ZNF207: variants seen among roughly 807,000 people sequenced by gnomAD.
ZNF207 encodes BUB3-interacting and GLEBS motif-containing protein ZNF207.
A neutral mutation model predicts 60.2 loss-of-function variants in ZNF207; 24 were observed. The ratio of observed to expected loss-of-function variants is 0.40; its 90% CI spans 0.29 to 0.56. ZNF207 has a LOEUF of 0.56. ZNF207 is among the 20% of genes least tolerant of loss of function. The pLI is 0.49. For synonymous variants in ZNF207, 236 were observed against 194.7 expected (o/e 1.21, Z -1.77); for missense variants, 452 against 636.6 (o/e 0.71, Z 3.12).
In ZNF207 at chr17:32,361,184, A is replaced by G. The variant is rs942963090; in HGVS notation, c.551+217A>G. The G allele has an allele frequency of 1.5e-5, 9 of 600,548 alleles. No individual in the cohort carries two copies. In the East Asian group the frequency reaches 1.7e-4, roughly 11 times the overall value. 37.2% of individuals were successfully genotyped at this position (600,548 alleles called of 1,614,324 possible). On this transcript the variant is annotated intron_variant, in intron 5 of 11. Transcript: ENST00000394670. ...TTGGGTTTTAGGGTATATGTAAGCA[A>G]CCATCTACTTCAATTGCATTTACTG...
intron 2 of ZNF207, among the ~76,000 whole-genome samples, chr17:32,357,342 A>ATTTTT (rs1364261997): frequency 4.2e-4 from 27 of 64,414 alleles, no homozygotes; most frequent in African/African-American, 2.0e-3. Context: ...TATTATTATT[A>ATTTTT]TTATTATTAT....
At chr17:32,363,164 T>A (rs548255819) in intron 7 of ZNF207, among the ~76,000 whole-genome samples, 180 bp downstream of exon 7, 1 of 152,352 alleles carries the variant, frequency 6.6e-6, no homozygotes, top group Non-Finnish European at 1.5e-5. Context: ...CTCGGCTCAC[T>A]GCAACCTCTG....
intron 9 of ZNF207, among the ~76,000 whole-genome samples, chr17:32,367,500 T>A (rs952910491): frequency 6.6e-6 from 1 of 151,682 alleles, no homozygotes; most frequent in Non-Finnish European, 1.5e-5. Flanking sequence ...GTAAATTTAA[T>A]TTTTGGTGAG....
At position 32,377,166 on chromosome 17, in the gene ZNF207, C is replaced by T. The variant is rs1036394849; in HGVS notation, c.*7407C>T. The T allele has an allele frequency of 2.0e-5, 3 of 151,918 alleles. No individual in the cohort carries two copies. The highest frequency in any genetic ancestry group is 4.4e-5 in the Non-Finnish European group (3 of 67,878). The allele number at this position is 151,918 out of a possible 1,614,324, so 9.4% of individuals were successfully genotyped here. On this transcript the variant is annotated 3_prime_UTR_variant, in exon 12 of 12. Coordinates refer to ENST00000394670, the MANE Select transcript of ZNF207 (RefSeq NM_001098507.2). ...TGGGTAGTATTGTTTGACTTAAGAA[C>T]CTTAAATATATTGAAAAGTAATGGC... is the stretch of plus-strand genomic sequence containing the variant.
In ZNF207 at chr17:32,372,931, C is replaced by T. The variant is rs550548539; in HGVS notation, c.*3172C>T. 3.3e-5 allele frequency: 5 copies of T among 152,398 alleles called. No individual in the cohort carries two copies. In the East Asian group the frequency reaches 9.6e-4, roughly 29 times the overall value. 9.4% of individuals were successfully genotyped at this position (152,398 alleles called of 1,614,324 possible). A position where few individuals can be genotyped will look rare whatever the true frequency, so the allele number is the denominator to read the frequency against. On this transcript the variant is annotated 3_prime_UTR_variant, in exon 12 of 12. Transcript: ENST00000394670. ...GCTGTAAGGTTAGTAGGGCTGGCAA[C>T]TTTGGCTCTACCTTACATCCACCCC... is the stretch of plus-strand genomic sequence containing the variant.
rs143103575 is a variant in ZNF207 at position 32,372,082 on chromosome 17, TGAG to T, written c.*2325_*2327del. ...TTGGGAGGCCCAGGCGGGTGGATCA[TGAG>T]GTCAGGAGATGGAGACCATCCTGGC... On this transcript the variant is annotated 3_prime_UTR_variant, in exon 12 of 12. Coordinates refer to ENST00000394670, the MANE Select transcript of ZNF207 (RefSeq NM_001098507.2). 0.022 allele frequency: 3,338 copies of T among 152,328 alleles called. 65 individuals are homozygous for T. Among genetic ancestry groups the T allele is most frequent in the Non-Finnish European group, 0.03 (2,041 of 68,098 alleles). 9.4% of individuals were successfully genotyped at this position (152,328 alleles called of 1,614,324 possible).
In ZNF207 at chr17:32,372,295, G is replaced by C. The variant is rs1049724081; in HGVS notation, c.*2536G>C. 1 of 151,096 alleles carries C rather than the reference G, an allele frequency of 6.6e-6. No homozygotes were observed. The highest frequency in any genetic ancestry group is 6.6e-5 in the Admixed American group (1 of 15,210). 9.4% of individuals were successfully genotyped at this position (151,096 alleles called of 1,614,324 possible). On this transcript the variant is annotated 3_prime_UTR_variant, in exon 12 of 12. Coordinates refer to ENST00000394670, the MANE Select transcript of ZNF207 (RefSeq NM_001098507.2). ...AGCCTGGACGACAGATTGAGACTCC[G>C]TCTCAAAAAAAAAAAATGCTGTGAT...
At position 32,373,737 on chromosome 17, in the gene ZNF207, T is replaced by C. The variant is rs942411102; in HGVS notation, c.*3978T>C. On this transcript the variant is annotated 3_prime_UTR_variant, in exon 12 of 12. Coordinates refer to ENST00000394670, the MANE Select transcript of ZNF207 (RefSeq NM_001098507.2). ...GTTCCTATATTGAACTTCAATAAAT[T>C]GACAAAATTTGATATTTTTGATTGG... 1.1e-5 allele frequency: 3 copies of C among 266,414 alleles called. No homozygotes were observed. The Admixed American group carries it at 1.6e-4, about 14-fold the overall frequency. The allele number at this position is 266,414 out of a possible 1,614,324, so 16.5% of individuals were successfully genotyped here.
intron 6 of ZNF207, chr17:32,362,675 A>T: frequency 2.5e-6 from 1 of 404,264 alleles, no homozygotes. Flanking sequence ...AATGACTTTA[A>T]ATGTTTTGTC....
chr17:32,367,663 A>T (rs1000716910), intron 9 of ZNF207, 109 bp from the exon 10 acceptor site: 1 of 1,384,552 alleles, frequency 7.2e-7, no homozygotes, highest in Non-Finnish European at 9.8e-7. Context: ...AATTTCATTT[A>T]AAGTTTGGTC....
chr17:32,360,644 T>C lies in ZNF207; in HGVS notation c.354T>C (p.Asp118=), dbSNP rs1904822868. ...AAGATGATTCTGATGAATATGATGA[T>C]GACGACTCTGCAGCCTCAACTTCAT... The part of the protein sequence containing the change: ...KQQDDSDEYD[D]DDSAASTSFQ... Residue 118 remains aspartate, a synonymous_variant, in exon 4 of 12, where the codon GAT becomes GAC. Coordinates refer to ENST00000394670, the MANE Select transcript of ZNF207 (RefSeq NM_001098507.2). 9.3e-6 allele frequency: 15 copies of C among 1,614,046 alleles called. No homozygotes were observed. The highest frequency in any genetic ancestry group is 1.2e-5 in the Non-Finnish European group (14 of 1,180,008).
At position 32,374,244 on chromosome 17, in the gene ZNF207, G is replaced by A. The variant is rs1905594435; in HGVS notation, c.*4485G>A. ...TTTTTTTTTTTTTTTTTTTGAGACT[G>A]TCTCGCTGTGTCACCCAGGCCAGAG... is the stretch of plus-strand genomic sequence containing the variant. On this transcript the variant is annotated 3_prime_UTR_variant, in exon 12 of 12. Transcript: ENST00000394670. 1.1e-5 allele frequency: 1 copy of A among 93,820 alleles called. No homozygotes were observed. The highest frequency in any genetic ancestry group is 1.6e-4 in the Admixed American group (1 of 6,344). The allele number at this position is 93,820 out of a possible 1,614,324, so 5.8% of individuals were successfully genotyped here.
Position 32,367,825 on chromosome 17 carries a change from T to C in ZNF207, c.975T>C (p.Ser325=), listed in dbSNP as rs1230496447. 6.2e-7 allele frequency: 1 copy of C among 1,614,188 alleles called. No individual in the cohort carries two copies. Among genetic ancestry groups the C allele is most frequent in the South Asian group, 1.1e-5 (1 of 91,082 alleles). The change falls in exon 10 of 12, where the codon AGT becomes AGC. Residue 325 remains serine (S), a synonymous_variant. Transcript: ENST00000394670. The stretch of plus-strand genomic sequence containing the variant: ...GTACAGATTTCAAACCCTTAAATAG[T>C]ACCCCTGCAACAACTACAGAACCCC... The part of the protein sequence containing the change: ...PVGTDFKPLN[S]TPATTTEPPK...
rs1310689416 is a variant in ZNF207, at chr17:32,370,551, A to T, written c.*792A>T. ...AGAGTTGTATGTTAATGTTTCAGTT[A>T]AGAGAAAAACTTAAGATACATGAGT... On this transcript the variant is annotated 3_prime_UTR_variant, in exon 12 of 12. Coordinates refer to ENST00000394670, the MANE Select transcript of ZNF207 (RefSeq NM_001098507.2). 6.6e-6 allele frequency: 1 copy of T among 152,248 alleles called. No homozygotes were observed. Among genetic ancestry groups the T allele is most frequent in the Non-Finnish European group, 1.5e-5 (1 of 68,044 alleles). The allele number at this position is 152,248 out of a possible 1,614,324, so 9.4% of individuals were successfully genotyped here. A position where few individuals can be genotyped will look rare whatever the true frequency, so the allele number is the denominator to read the frequency against.
rs1905464428 is a variant in ZNF207 at position 32,371,611 on chromosome 17, CGTTA to C, written c.*1855_*1858del. On this transcript the variant is annotated 3_prime_UTR_variant, in exon 12 of 12. Transcript: ENST00000394670. The stretch of plus-strand genomic sequence containing the variant: ...AAAACATTTAAAAATTAGCCAGGCG[CGTTA>C]GTGTGTGTCTGTGGTCCCAGCTGCT... 1 of 152,104 alleles carries C rather than the reference CGTTA, an allele frequency of 6.6e-6. No homozygotes were observed. The highest frequency in any genetic ancestry group is 6.6e-5 in the Admixed American group (1 of 15,262). The allele number at this position is 152,104 out of a possible 1,614,324, so 9.4% of individuals were successfully genotyped here.
intron 6 of ZNF207, among the ~76,000 whole-genome samples, chr17:32,361,850 A>G (rs1435232180): frequency 2.6e-5 from 4 of 152,194 alleles, no homozygotes; most frequent in Non-Finnish European, 5.9e-5. Flanking sequence ...GGAATTTTCT[A>G]ATCTATTAAT....
chr17:32,361,562 T>G, intron 6 of ZNF207, 47 bp downstream of exon 6: 1 of 1,539,034 alleles, frequency 6.5e-7, no homozygotes, highest in Non-Finnish European at 8.8e-7. Flanking sequence ...AATCATACTG[T>G]CATTTTTTTA....
At chr17:32,353,501 A>C (rs918131885) in intron 2 of ZNF207, among the ~76,000 whole-genome samples, 2 of 151,712 alleles carry the variant, frequency 1.3e-5, no homozygotes, top group African/African-American at 4.8e-5. Flanking sequence ...TAAAATGTTG[A>C]CCAGATGTGG....
At chr17:32,368,623 G>A (rs1444748268) in intron 10 of ZNF207, among the ~76,000 whole-genome samples, 6 of 151,672 alleles carry the variant, frequency 4.0e-5, no homozygotes, top group African/African-American at 1.2e-4. Flanking sequence ...CTTGGGAGGC[G>A]GAGGTTGCGT....
Sources: gnomAD v4.1 joint callset for allele counts (sites outside exome capture counted in the v4.1 genomes callset) on GRCh38, gnomAD v4.1.1 for gene constraint, MANE v1.5 for transcripts, NCBI Gene and HGNC (gene_info 2026-07-23, HGNC 2026-07-21) for gene names.